Variants in CUL3 observed in about 807,000 individuals in gnomAD.
CUL3 encodes the protein cullin-3.
CUL3 carries 19 observed loss-of-function variants against 89.1 expected under a neutral mutation model. The observed-to-expected ratio is 0.21, with a 90% CI of 0.15 to 0.31. The LOEUF (loss-of-function observed/expected upper bound fraction) is 0.31, where lower values mean the gene tolerates loss of function less well. Among genes scored for constraint, CUL3 ranks in the 10% least tolerant of loss-of-function variants. CUL3 has a pLI of 1.00. For synonymous variants in CUL3, 351 were observed against 308.4 expected, an observed-to-expected ratio of 1.14 and a Z score of -1.45; for missense variants, 469 against 942.3, an observed-to-expected ratio of 0.50 and a Z score of 6.58.
intron 2 of CUL3, among the ~76,000 whole-genome samples, chr2:224,546,043 T>A (rs1422865478): frequency 6.6e-6 from 1 of 152,158 alleles, no homozygotes; most frequent in African/African-American, 2.4e-5. Context: ...AAATGATAGC[T>A]TTTTACTTAC....
At position 224,485,883 on chromosome 2, in the gene CUL3, C is replaced by T. The variant is rs1691701876; in HGVS notation, c.1843-3805G>A. Among the ~76,000 whole-genome samples the T allele has an allele frequency of 6.6e-6, 1 of 152,210 alleles. No individual in the cohort carries two copies. The highest frequency in any genetic ancestry group is 2.4e-5 in the African/African-American group (1 of 41,452). ...AGCTCCGGCTGGCATCTGGCAGGTG[C>T]CCCTCTGGGACAAAGCTTCCAGAGG... On this transcript the variant is annotated intron_variant, in intron 13 of 15. Transcript: ENST00000264414. The surrounding 1 kb of genome is among the most constrained non-coding windows in gnomAD (Gnocchi z 4.1).
In CUL3 at chr2:224,510,510, C is replaced by A. The variant is rs193268420; in HGVS notation, c.883+844G>T. Among the ~76,000 whole-genome samples, 658 of 152,026 alleles carry A rather than the reference C, an allele frequency of 4.3e-3. 20 individuals are homozygous for A. The highest frequency in any genetic ancestry group is 0.039 in the Admixed American group (592 of 15,258). On this transcript the variant is annotated intron_variant, in intron 6 of 15. Coordinates refer to ENST00000264414, the MANE Select transcript of CUL3 (RefSeq NM_003590.5). The stretch of plus-strand genomic sequence containing the variant: ...TTTTCATTCCCTACATAGCTCATGA[C>A]CCCAACAGGCAATATGTATTTCTTT...
intron 3 of CUL3, among the ~76,000 whole-genome samples, chr2:224,534,087 A>G (rs1693791902): frequency 6.6e-6 from 1 of 152,250 alleles, no homozygotes; most frequent in Non-Finnish European, 1.5e-5. Context: ...TATATCCAAT[A>G]CACAAACATA....
chr2:224,507,470 C>T (rs184568908), intron 6 of CUL3, among the ~76,000 whole-genome samples: 2 of 152,188 alleles, frequency 1.3e-5, no homozygotes, highest in East Asian at 3.9e-4. Context: ...CAGTTTAAGT[C>T]TTATGGGTAT....
intron 6 of CUL3, 53 bp downstream of exon 6, chr2:224,511,301 A>G: frequency 7.6e-7 from 1 of 1,319,822 alleles, no homozygotes; most frequent in Non-Finnish European, 1.0e-6. Context: ...AATTTTAAAA[A>G]TATCGATAAG....
chr2:224,558,545 A>C (rs1337367563), intron 1 of CUL3, among the ~76,000 whole-genome samples: 5 of 152,206 alleles, frequency 3.3e-5, no homozygotes, highest in African/African-American at 1.2e-4. Context: ...TTGTGCTCAA[A>C]GTGCCAAGTT....
At chr2:224,561,419 T>C (rs1195616328) in intron 1 of CUL3, among the ~76,000 whole-genome samples, 1 of 152,158 alleles carries the variant, frequency 6.6e-6, no homozygotes, top group Non-Finnish European at 1.5e-5. Flanking sequence ...ACGTCTGATG[T>C]GTATGAATGT....
intron 2 of CUL3, among the ~76,000 whole-genome samples, chr2:224,537,856 TTGAA>T (rs1021321317): frequency 6.6e-6 from 1 of 152,202 alleles, no homozygotes; most frequent in Non-Finnish European, 1.5e-5. Context: ...TGCATATTTG[TTGAA>T]TGAATAAAAA....
intron 1 of CUL3, among the ~76,000 whole-genome samples, chr2:224,583,014 CA>C (rs957262455): frequency 2.0e-5 from 3 of 152,076 alleles, no homozygotes; most frequent in Non-Finnish European, 2.9e-5. Flanking sequence ...CACATTTTAG[CA>C]AAAAATCTTA....
At chr2:224,572,175 G>T (rs1695195831) in intron 1 of CUL3, among the ~76,000 whole-genome samples, 1 of 152,142 alleles carries the variant, frequency 6.6e-6, no homozygotes, top group Non-Finnish European at 1.5e-5. Flanking sequence ...TCTGGTCATG[G>T]TCCTTCCATA....
At chr2:224,483,334 A>G (rs2106155007) in intron 13 of CUL3, among the ~76,000 whole-genome samples, 1 of 152,314 alleles carries the variant, frequency 6.6e-6, no homozygotes, top group East Asian at 1.9e-4. Flanking sequence ...AGTATTTTAT[A>G]AAAGTCAGTC....
At chr2:224,524,056 T>C (rs1206389749) in intron 3 of CUL3, among the ~76,000 whole-genome samples, 1 of 152,136 alleles carries the variant, frequency 6.6e-6, no homozygotes, top group East Asian at 1.9e-4. Context: ...AAGGGTAAGA[T>C]GGTAAATTTT....
At chr2:224,479,932 C>G (rs944999328) in intron 14 of CUL3, 33 of 151,986 alleles carry the variant, frequency 2.2e-4, no homozygotes, top group Non-Finnish European at 2.9e-5. Context: ...CATGGATGTG[C>G]AGATCGTGCT....
At chr2:224,543,836 T>C (rs1361862878) in intron 2 of CUL3, among the ~76,000 whole-genome samples, 3 of 151,922 alleles carry the variant, frequency 2.0e-5, no homozygotes, top group African/African-American at 7.3e-5. Context: ...ATATAAACAA[T>C]TAGCTGGGGG....
At chr2:224,499,584 CTT>C (rs1228918118) in intron 11 of CUL3, 2 of 207,128 alleles carry the variant, frequency 9.7e-6, no homozygotes, top group Non-Finnish European at 2.1e-5. Flanking sequence ...GTCAAGAGAC[CTT>C]TTGTTTGGTC....
chr2:224,481,328 A>G (rs1460908423), intron 14 of CUL3, among the ~76,000 whole-genome samples: 1 of 151,978 alleles, frequency 6.6e-6, no homozygotes, highest in African/African-American at 2.4e-5. Flanking sequence ...TTAAATACAC[A>G]GAAAACAAGC....
intron 2 of CUL3, among the ~76,000 whole-genome samples, chr2:224,540,152 G>T (rs1694047545): frequency 6.6e-6 from 1 of 151,060 alleles, no homozygotes; most frequent in Non-Finnish European, 1.5e-5. Flanking sequence ...TGTCTCCCAG[G>T]TTTAAGCCAT....
At chr2:224,483,285 TAA>T (rs1691596697) in intron 13 of CUL3, among the ~76,000 whole-genome samples, 1 of 152,198 alleles carries the variant, frequency 6.6e-6, no homozygotes, top group South Asian at 2.1e-4. Context: ...GGTGGTATTT[TAA>T]GATTACAGAT....
At chr2:224,493,515 C>CT (rs775431599) in intron 13 of CUL3, among the ~76,000 whole-genome samples, 4 of 152,182 alleles carry the variant, frequency 2.6e-5, no homozygotes, top group Non-Finnish European at 4.4e-5. Flanking sequence ...TGCTTTGTGA[C>CT]TTAGCTAAAG....
Sources: allele counts gnomAD v4.1 joint callset (sites outside exome capture counted in the v4.1 genomes callset), GRCh38; gene constraint gnomAD v4.1.1; non-coding constraint Gnocchi (gnomAD v3.1); transcripts MANE v1.5; gene names NCBI Gene and HGNC (gene_info 2026-07-23, HGNC 2026-07-21).